PPFIA1: variants seen among roughly 807,000 people sequenced by gnomAD.
PPFIA1 encodes liprin-alpha-1.
In PPFIA1, 25 loss-of-function variants were observed where a neutral mutation model predicts 149.9. The ratio of observed to expected loss-of-function variants is 0.17; its 90% CI spans 0.12 to 0.23. The LOEUF (loss-of-function observed/expected upper bound fraction) is 0.23, where lower values mean the gene tolerates loss of function less well. Among genes scored for constraint, PPFIA1 ranks in the 10% least tolerant of loss-of-function variants. The probability of loss-of-function intolerance (pLI) is 1.00; values close to 1 mark genes in which losing one functional copy is unlikely to be tolerated. For missense variants in PPFIA1, 1,362 were observed against 1,506.5 expected (o/e 0.90, Z 1.59); for synonymous variants, 549 against 552.8 (o/e 0.99, Z 0.10).
At position 70,290,228 on chromosome 11, in the gene PPFIA1, T is replaced by TA. The variant is rs34382137; in HGVS notation, c.264+17803dup. ...CTGGGTGATAGAGCAAAACCTTGTG[T>TA]AAAAAAAAAAAGTTTATTATTTTTC... On this transcript the variant is annotated intron_variant, in intron 2 of 27. Coordinates refer to ENST00000253925, the MANE Select transcript of PPFIA1 (RefSeq NM_003626.5). Among the ~76,000 whole-genome samples the TA allele has an allele frequency of 3.3e-3, 484 of 148,708 alleles. 2 individuals carry two copies. Among genetic ancestry groups the TA allele is most frequent in the African/African-American group, 0.011 (448 of 40,518 alleles).
At chr11:70,302,010 A>C (rs1251194288) in intron 2 of PPFIA1, among the ~76,000 whole-genome samples, 1 of 152,210 alleles carries the variant, frequency 6.6e-6, no homozygotes, top group African/African-American at 2.4e-5. Flanking sequence ...ACAGCCTTTC[A>C]GCTGGGAAGC....
intron 2 of PPFIA1, among the ~76,000 whole-genome samples, chr11:70,317,019 G>A (rs1412832019): frequency 6.6e-6 from 1 of 152,068 alleles, no homozygotes; most frequent in Non-Finnish European, 1.5e-5. Context: ...GCATTCTTCA[G>A]ATTTATATTT....
At position 70,348,491 on chromosome 11, in the gene PPFIA1, C is replaced by G. The variant is rs986033174; in HGVS notation, c.2163+71C>G. The G allele has an allele frequency of 1.7e-5, 21 of 1,239,760 alleles. No homozygotes were observed. In the Admixed American group the frequency reaches 3.1e-4, roughly 18 times the overall value. 76.8% of individuals were successfully genotyped at this position (1,239,760 alleles called of 1,614,324 possible). On this transcript the variant is annotated intron_variant, in intron 16 of 27. Coordinates refer to ENST00000253925, the MANE Select transcript of PPFIA1 (RefSeq NM_003626.5). ...GTATGAAATCTTGGACACTACAAAT[C>G]TACCCACAAGAAAATCAAGTACATT...
In PPFIA1 at chr11:70,294,390, T is replaced by C. The variant is rs75702078; in HGVS notation, c.264+21954T>C. ...GAGGAACACTGGGAAGGAAATCCAG[T>C]GTTTCTGCTGAAGGGATATGCCCAC... On this transcript the variant is annotated intron_variant, in intron 2 of 27. Coordinates refer to ENST00000253925, the MANE Select transcript of PPFIA1 (RefSeq NM_003626.5). Among the ~76,000 whole-genome samples, 41 of 152,216 alleles carry C rather than the reference T, an allele frequency of 2.7e-4. No individual in the cohort carries two copies. In the East Asian group the frequency reaches 6.2e-3, roughly 23 times the overall value.
chr11:70,383,198 A>G lies in PPFIA1; in HGVS notation c.*208A>G, dbSNP rs751450299. The G allele has an allele frequency of 3.1e-6, 1 of 326,910 alleles. No homozygotes were observed. 20.3% of individuals were successfully genotyped at this position (326,910 alleles called of 1,614,324 possible). On this transcript the variant is annotated 3_prime_UTR_variant, in exon 28 of 28. Coordinates refer to ENST00000253925, the MANE Select transcript of PPFIA1 (RefSeq NM_003626.5). ...TATTTTAGAATTTAATGTTTCTTAT[A>G]TTTATGTAAACTTATGACTCTTCAT... is the stretch of plus-strand genomic sequence containing the variant.
intron 2 of PPFIA1, among the ~76,000 whole-genome samples, chr11:70,303,781 G>A (rs921346783): frequency 3.3e-5 from 5 of 152,278 alleles, no homozygotes; most frequent in African/African-American, 4.8e-5. Flanking sequence ...TGAGGCAGGC[G>A]GATCACTTGA....
chr11:70,303,873 G>C (rs1002597327), intron 2 of PPFIA1, among the ~76,000 whole-genome samples: 1 of 152,228 alleles, frequency 6.6e-6, no homozygotes, highest in Non-Finnish European at 1.5e-5. Context: ...AGGCGTGGTG[G>C]TGTGTGCCTG....
At chr11:70,380,431 G>C (rs2057665212) in intron 26 of PPFIA1, among the ~76,000 whole-genome samples, 1 of 151,276 alleles carries the variant, frequency 6.6e-6, no homozygotes, top group Admixed American at 6.6e-5. Context: ...AAAAAAATTA[G>C]CTGGGCACGG....
At chr11:70,351,953 A>G (rs1013593398) in intron 16 of PPFIA1, among the ~76,000 whole-genome samples, 8 of 152,230 alleles carry the variant, frequency 5.3e-5, no homozygotes, top group Admixed American at 4.6e-4. Flanking sequence ...AGTAGAGTAC[A>G]TTAGGAGGAG....
At chr11:70,285,899 T>C (rs1352326553) in intron 2 of PPFIA1, among the ~76,000 whole-genome samples, 1 of 152,162 alleles carries the variant, frequency 6.6e-6, no homozygotes, top group African/African-American at 2.4e-5. Context: ...AAGGGTTATT[T>C]AGCCCACATT....
chr11:70,373,917 A>G (rs1223960564), intron 23 of PPFIA1: 1 of 152,196 alleles, frequency 6.6e-6, no homozygotes, highest in Non-Finnish European at 1.5e-5. Flanking sequence ...TTGGCAATGA[A>G]ATATGTCCAT....
At chr11:70,317,023 T>G (rs2053674213) in intron 2 of PPFIA1, among the ~76,000 whole-genome samples, 1 of 152,270 alleles carries the variant, frequency 6.6e-6, no homozygotes, top group Non-Finnish European at 1.5e-5. Flanking sequence ...TCTTCAGATT[T>G]ATATTTTAAA....
At chr11:70,300,269 A>G (rs962973457) in intron 2 of PPFIA1, among the ~76,000 whole-genome samples, 2 of 152,064 alleles carry the variant, frequency 1.3e-5, no homozygotes, top group African/African-American at 4.8e-5. Context: ...CTCACTCCTC[A>G]TAGGTGCTTT....
At chr11:70,346,032 C>T (rs756546467) in intron 15 of PPFIA1, 82 of 433,884 alleles carry the variant, frequency 1.9e-4, no homozygotes, top group African/African-American at 4.1e-5. Context: ...CTTGTCTCGT[C>T]AGTATTTTAA....
chr11:70,314,632 C>T (rs1256481859), intron 2 of PPFIA1, among the ~76,000 whole-genome samples: 3 of 151,942 alleles, frequency 2.0e-5, no homozygotes, highest in African/African-American at 7.3e-5. Context: ...TACATAAAAG[C>T]GTGTGTTTGC....
chr11:70,298,832 T>TA (rs779014225), intron 2 of PPFIA1, among the ~76,000 whole-genome samples: 3 of 152,254 alleles, frequency 2.0e-5, no homozygotes, highest in Non-Finnish European at 4.4e-5. Flanking sequence ...TACGGACACT[T>TA]ACCATAGTAA....
intron 26 of PPFIA1, 81 bp from the exon 27 acceptor site, chr11:70,382,007 G>A (rs2057732300): frequency 1.6e-6 from 2 of 1,246,240 alleles, no homozygotes; most frequent in Middle Eastern, 1.9e-4. Flanking sequence ...GAAGATGTGT[G>A]TCTACTTGTG....
rs540935323 is a variant in PPFIA1, at chr11:70,307,181, A to G, written c.265-17221A>G. ...GGGATAATTTCGCAGTATCTTTTAA[A>G]TTACAAATTCCCTTTGACCCAGAAA... On this transcript the variant is annotated intron_variant, in intron 2 of 27. Coordinates refer to ENST00000253925, the MANE Select transcript of PPFIA1 (RefSeq NM_003626.5). Among the ~76,000 whole-genome samples the G allele has an allele frequency of 4.6e-5, 7 of 152,368 alleles. No homozygotes were observed. The South Asian group carries it at 1.0e-3, about 23-fold the overall frequency.
intron 2 of PPFIA1, among the ~76,000 whole-genome samples, chr11:70,300,277 T>C (rs2052395979): frequency 6.6e-6 from 1 of 152,224 alleles, no homozygotes; most frequent in African/African-American, 2.4e-5. Flanking sequence ...TCATAGGTGC[T>C]TTTTCTCCGC....
Sources: allele counts gnomAD v4.1 joint callset (sites outside exome capture counted in the v4.1 genomes callset), GRCh38; gene constraint gnomAD v4.1.1; transcripts MANE v1.5; gene names NCBI Gene and HGNC (gene_info 2026-07-23, HGNC 2026-07-21).